Variants in KCNH4 observed in about 807,000 individuals in gnomAD.
KCNH4 encodes voltage-gated delayed rectifier potassium channel KCNH4.
KCNH4 carries 33 observed loss-of-function variants against 90.7 expected under a neutral mutation model. That is an observed-to-expected ratio of 0.36 (90% CI 0.28 to 0.49). The LOEUF is 0.49. Among genes scored for constraint, KCNH4 ranks in the 20% least tolerant of loss-of-function variants. The pLI is 0.98. For synonymous variants in KCNH4, 551 were observed against 581.7 expected (o/e 0.95, Z 0.76); for missense variants, 1,044 against 1,387.1 (o/e 0.75, Z 3.93).
Position 42,178,934 on chromosome 17 carries a change from G to T in KCNH4, c.169C>A (p.Arg57Ser). The T allele has an allele frequency of 6.2e-7, 1 of 1,614,202 alleles. No individual in the cohort carries two copies. The highest frequency in any genetic ancestry group is 8.5e-7 in the Non-Finnish European group (1 of 1,180,044). ...DGFCELTGYG[R>S]TEVMQKTCSC... ...CAGGTCTTCTGCATGACCTCGGTGC[G>T]ACCGTAGCCTGTGAGCTCGCAGAAG... is the stretch of plus-strand genomic sequence containing the variant. The change falls in exon 2 of 17, where the codon CGC becomes AGC. Residue 57 changes from arginine to serine, a missense_variant. Arg to Ser is a moderately radical substitution (Grantham distance 110). This residue lies in a region of KCNH4 where 283 missense variants were observed against 378.6 expected (regional missense o/e 0.75). Coordinates refer to ENST00000264661, the MANE Select transcript of KCNH4 (RefSeq NM_012285.3).
intron 6 of KCNH4, among the ~76,000 whole-genome samples, chr17:42,174,298 G>A (rs767778276): frequency 4.6e-5 from 7 of 152,230 alleles, no homozygotes; most frequent in South Asian, 4.1e-4. Flanking sequence ...AAGGGTTCCC[G>A]TGGGGCTCCC....
chr17:42,167,972 G>C (rs979825010), intron 9 of KCNH4, among the ~76,000 whole-genome samples: 1 of 152,050 alleles, frequency 6.6e-6, no homozygotes, highest in Admixed American at 6.6e-5. Context: ...CCATTCCTGC[G>C]GGCTTATTGA....
chr17:42,164,197 A>T (rs1388317461), intron 11 of KCNH4, 29 bp from the exon 12 acceptor site: 1 of 1,524,976 alleles, frequency 6.6e-7, no homozygotes, highest in South Asian at 1.2e-5. Flanking sequence ...GTTCAAGCTG[A>T]TTCCTGCCTT....
intron 1 of KCNH4, among the ~76,000 whole-genome samples, chr17:42,179,251 G>A (rs920623509): frequency 2.6e-5 from 4 of 152,238 alleles, no homozygotes; most frequent in African/African-American, 9.6e-5. Flanking sequence ...CTAACGGGGA[G>A]TTGGAGAAGG....
chr17:42,168,617 G>A lies in KCNH4; in HGVS notation c.1590+860C>T, dbSNP rs138510341. Among the ~76,000 whole-genome samples, 626 of 152,088 alleles carry A rather than the reference G, an allele frequency of 4.1e-3. 5 individuals are homozygous for A. Among genetic ancestry groups the A allele is most frequent in the African/African-American group, 0.014 (596 of 41,474 alleles). On this transcript the variant is annotated intron_variant, in intron 9 of 16. Transcript: ENST00000264661. Reference sequence around the variant, plus strand: ...TGAGAGCACACCACTGCACTCCAGCGTGGGCGACAGAGCAAGACTCCTTCT... The same window carrying A: ...TGAGAGCACACCACTGCACTCCAGCATGGGCGACAGAGCAAGACTCCTTCT...
Position 42,171,951 on chromosome 17 carries a change from C to A in KCNH4, c.1032G>T (p.Leu344=). 1 of 1,608,800 alleles carries A rather than the reference C, an allele frequency of 6.2e-7. No homozygotes were observed. The highest frequency in any genetic ancestry group is 8.5e-7 in the Non-Finnish European group (1 of 1,178,320). Residue 344 remains leucine, a synonymous_variant, in exon 7 of 17, where the codon CTG becomes CTT. Coordinates refer to ENST00000264661, the MANE Select transcript of KCNH4 (RefSeq NM_012285.3). ...GCTCCAGCTTCTGCAGCAGCCGCAG[C>A]AGCCGCAACAGCCGCACTGTCTTCA... ...HLLKTVRLLR[L]LRLLQKLERY... is the part of the protein sequence containing the mutation.
Position 42,159,895 on chromosome 17 carries a change from G to C in KCNH4, c.*145C>G. 1.8e-6 allele frequency: 1 copy of C among 546,646 alleles called. No individual in the cohort carries two copies. The highest frequency in any genetic ancestry group is 3.0e-6 in the Non-Finnish European group (1 of 331,718). The allele number at this position is 546,646 out of a possible 1,614,324, so 33.9% of individuals were successfully genotyped here. A position where few individuals can be genotyped will look rare whatever the true frequency, so the allele number is the denominator to read the frequency against. On this transcript the variant is annotated 3_prime_UTR_variant, in exon 16 of 17. Coordinates refer to ENST00000264661, the MANE Select transcript of KCNH4 (RefSeq NM_012285.3). ...AGGGAATAGCGTCAGAGGTAACCAC[G>C]CTTCATTAAAAAGTCCAGAAATCCA...
chr17:42,161,361 C>T (rs576238975), intron 15 of KCNH4, among the ~76,000 whole-genome samples: 1 of 152,352 alleles, frequency 6.6e-6, no homozygotes, highest in African/African-American at 2.4e-5. Flanking sequence ...GGGCCTGAAA[C>T]AGCCCAGGCA....
chr17:42,176,990 C>G (rs2079866617), intron 4 of KCNH4, among the ~76,000 whole-genome samples: 1 of 152,208 alleles, frequency 6.6e-6, no homozygotes, highest in African/African-American at 2.4e-5. Flanking sequence ...CTCCTGGGCT[C>G]AAGCTATCCT....
chr17:42,160,081 A>G lies in KCNH4; in HGVS notation c.3013T>C (p.Leu1005=). Residue 1005 remains leucine (L), a synonymous_variant, in exon 16 of 17, where the codon TTG becomes CTG. Coordinates refer to ENST00000264661, the MANE Select transcript of KCNH4 (RefSeq NM_012285.3). ...PEASPPTPSL[L]RHSFQSRSDT... ...GACCTGGACTGGAAACTGTGCCTCA[A>G]GAGGCTTGGGGTTGGGGGTGAGGCC... 1 of 1,553,874 alleles carries G rather than the reference A, an allele frequency of 6.4e-7. No individual in the cohort carries two copies. Among genetic ancestry groups the G allele is most frequent in the Non-Finnish European group, 8.7e-7 (1 of 1,147,632 alleles).
intron 6 of KCNH4, among the ~76,000 whole-genome samples, chr17:42,174,447 C>G (rs1042413549): frequency 6.6e-6 from 1 of 152,102 alleles, no homozygotes; most frequent in South Asian, 2.1e-4. Context: ...TGGGCGCACC[C>G]CTGGGGAGGG....
chr17:42,169,641 C>T lies in KCNH4; in HGVS notation c.1426G>A (p.Ala476Thr). Residue 476 changes from alanine to threonine, a missense_variant, in exon 9 of 17, where the codon GCC (alanine) becomes ACC (threonine). Coordinates refer to ENST00000264661, the MANE Select transcript of KCNH4 (RefSeq NM_012285.3). ...MHAVVFGNVT[A>T]IIQRMYSRRS... ...CGCGAGTACATGCGCTGGATGATGG[C>T]TGTCACGTTCCCGAACACCACAGCG... The T allele has an allele frequency of 1.9e-6, 3 of 1,613,998 alleles. No homozygotes were observed. Among genetic ancestry groups the T allele is most frequent in the Non-Finnish European group, 2.5e-6 (3 of 1,179,994 alleles).
intron 15 of KCNH4, among the ~76,000 whole-genome samples, chr17:42,161,392 A>G (rs1262517146): frequency 6.6e-6 from 1 of 152,178 alleles, no homozygotes; most frequent in Non-Finnish European, 1.5e-5. Context: ...GGGATGCCCG[A>G]TGTTTATCAG....
In KCNH4 at chr17:42,162,268, C is replaced by A; in HGVS notation, c.2638G>T (p.Val880Phe). Residue 880 changes from valine (V) to phenylalanine (F), a missense_variant, in exon 15 of 17, where the codon GTT becomes TTT. By Grantham distance (50) the Val-to-Phe change is conservative. This residue lies in a region of KCNH4 where 441 missense variants were observed against 512.3 expected (regional missense o/e 0.86). Transcript: ENST00000264661. Reference sequence around the variant, plus strand: ...CCCACCTCCTGGTTCAGCCGGCAAACCTTTTCCTTCACCTCCTCAGCCTCA... The same window carrying A: ...CCCACCTCCTGGTTCAGCCGGCAAAACTTTTCCTTCACCTCCTCAGCCTCA... ...ASEAEEVKEK[V>F]CRLNQEISRL... is the part of the protein sequence containing the mutation. 6.2e-7 allele frequency: 1 copy of A among 1,614,046 alleles called. No homozygotes were observed. The highest frequency in any genetic ancestry group is 1.3e-5 in the African/African-American group (1 of 75,028).
At chr17:42,167,392 G>T (rs549693208) in intron 9 of KCNH4, among the ~76,000 whole-genome samples, 1 of 152,070 alleles carries the variant, frequency 6.6e-6, no homozygotes, top group East Asian at 1.9e-4. Context: ...TCAGCCTCCC[G>T]AGTAGGTGGG....
intron 15 of KCNH4, among the ~76,000 whole-genome samples, chr17:42,161,310 C>T (rs1334256884): frequency 6.6e-6 from 1 of 152,228 alleles, no homozygotes; most frequent in Non-Finnish European, 1.5e-5. Flanking sequence ...CGGACTTGCC[C>T]TCAAGCTTGC....
intron 11 of KCNH4, among the ~76,000 whole-genome samples, chr17:42,165,141 A>G (rs2079777994): frequency 6.6e-6 from 1 of 151,960 alleles, no homozygotes; most frequent in Non-Finnish European, 1.5e-5. Context: ...AACAAAAACA[A>G]AAACAAAGGG....
chr17:42,179,146 A>C, intron 1 of KCNH4, 120 bp from the exon 2 acceptor site: 1 of 672,226 alleles, frequency 1.5e-6, no homozygotes. Flanking sequence ...CCAGGTTTCC[A>C]TGTTGCTCCT....
In KCNH4 at chr17:42,165,605, A is replaced by G; in HGVS notation, c.1929T>C (p.Ser643=). The G allele has an allele frequency of 6.2e-7, 1 of 1,614,156 alleles. No individual in the cohort carries two copies. Residue 643 remains serine (S), a synonymous_variant, in exon 11 of 17, where the codon AGT becomes AGC. Coordinates refer to ENST00000264661, the MANE Select transcript of KCNH4 (RefSeq NM_012285.3). The stretch of plus-strand genomic sequence containing the variant: ...AGTAGGTCAGAGCTTTCACATCAGC[A>G]CTGGTCTTTAGCACGAAGTTTGGGT... ...GADPNFVLKT[S]ADVKALTYCG...
Sources: gnomAD v4.1 joint callset for allele counts (sites outside exome capture counted in the v4.1 genomes callset) on GRCh38, gnomAD v4.1.1 for gene constraint, gnomAD v4.1.1 regional missense constraint, MANE v1.5 for transcripts, NCBI Gene and HGNC (gene_info 2026-07-23, HGNC 2026-07-21) for gene names.